The following NARS2 variants were observed in gnomAD, a reference collection of about 807,000 sequenced individuals.
NARS2 encodes the protein asparaginyl-tRNA synthetase.
Under a neutral mutation model 62.9 loss-of-function variants are expected in NARS2, and 60 were observed. The observed-to-expected ratio is 0.95, with a 90% CI of 0.77 to 1.18. The LOEUF (loss-of-function observed/expected upper bound fraction) is 1.18, where lower values mean the gene tolerates loss of function less well. Ranked by LOEUF, NARS2 falls within the 50% of genes most tolerant of loss-of-function variation. NARS2 has a pLI of 0.00. For missense variants in NARS2, 619 were observed against 576.4 expected (o/e 1.07, Z -0.76); for synonymous variants, 196 against 200.0 (o/e 0.98, Z 0.17).
intron 5 of NARS2, among the ~76,000 whole-genome samples, chr11:78,538,990 G>A (rs1328899547): frequency 7.3e-5 from 4 of 55,052 alleles, no homozygotes; most frequent in African/African-American, 9.5e-5. Flanking sequence ...GCGAGAATCC[G>A]TCTCAAAAAA....
At chr11:78,481,698 T>A (rs544325485) in intron 7 of NARS2, among the ~76,000 whole-genome samples, 3 of 152,338 alleles carry the variant, frequency 2.0e-5, no homozygotes, top group South Asian at 4.1e-4. Flanking sequence ...TTAGTTGTAC[T>A]ATAACAGCAA....
chr11:78,538,875 G>C (rs1354348080), intron 5 of NARS2, among the ~76,000 whole-genome samples: 1 of 150,468 alleles, frequency 6.6e-6, no homozygotes, highest in Non-Finnish European at 1.5e-5. Context: ...GGCGCCTGTA[G>C]TCCCAGCTAC....
chr11:78,573,507 G>A (rs1170358370), intron 1 of NARS2: 1 of 152,270 alleles, frequency 6.6e-6, no homozygotes, highest in Non-Finnish European at 1.5e-5. Flanking sequence ...CTGCGCTCCA[G>A]TCTGGGTGAC....
intron 5 of NARS2, among the ~76,000 whole-genome samples, chr11:78,531,888 G>A (rs543428723): frequency 3.9e-5 from 6 of 152,278 alleles, no homozygotes; most frequent in Middle Eastern, 3.4e-3. Flanking sequence ...AAAATGGGAT[G>A]TAACTACTAA....
At chr11:78,488,327 CA>C (rs1266053827) in intron 7 of NARS2, among the ~76,000 whole-genome samples, 1 of 151,490 alleles carries the variant, frequency 6.6e-6, no homozygotes, top group Non-Finnish European at 1.5e-5. Flanking sequence ...AATGTAATCA[CA>C]AGGATCCTTT....
intron 3 of NARS2, among the ~76,000 whole-genome samples, chr11:78,567,717 CTTTT>C (rs1220691184): frequency 6.6e-6 from 1 of 152,146 alleles, no homozygotes; most frequent in Admixed American, 6.5e-5. Context: ...GCATTTTCTT[CTTTT>C]ATTTCCTTAC....
At chr11:78,498,058 G>T (rs1228004716) in intron 6 of NARS2, among the ~76,000 whole-genome samples, 1 of 152,100 alleles carries the variant, frequency 6.6e-6, no homozygotes, top group Non-Finnish European at 1.5e-5. Flanking sequence ...ACCATCTGAG[G>T]AGATGACATG....
intron 1 of NARS2, among the ~76,000 whole-genome samples, chr11:78,574,054 T>C (rs551180858): frequency 6.6e-6 from 1 of 152,294 alleles, no homozygotes; most frequent in South Asian, 2.1e-4. Flanking sequence ...ATATTCATTA[T>C]AAGGGATAAA....
At chr11:78,521,789 CAA>C (rs58282524) in intron 6 of NARS2, among the ~76,000 whole-genome samples, 1 of 96,394 alleles carries the variant, frequency 1.0e-5, no homozygotes. Context: ...GACTCCGTCT[CAA>C]AAAAAAAAAA....
At chr11:78,439,773 AAGG>A (rs1279473546) in intron 13 of NARS2, among the ~76,000 whole-genome samples, 6 of 152,196 alleles carry the variant, frequency 3.9e-5, no homozygotes, top group Non-Finnish European at 7.3e-5. Flanking sequence ...AGCACAGCAC[AAGG>A]ATTAATAATA....
intron 6 of NARS2, among the ~76,000 whole-genome samples, chr11:78,493,873 C>T (rs567587616): frequency 1.3e-5 from 2 of 152,036 alleles, no homozygotes; most frequent in South Asian, 2.1e-4. Flanking sequence ...AAAAAAACAC[C>T]GCAGCCCAAG....
intron 6 of NARS2, among the ~76,000 whole-genome samples, chr11:78,526,737 A>C (rs1255739330): frequency 6.6e-6 from 1 of 152,112 alleles, no homozygotes; most frequent in Non-Finnish European, 1.5e-5. Context: ...TTAATACACT[A>C]GTGGTATTAT....
intron 4 of NARS2, among the ~76,000 whole-genome samples, chr11:78,563,847 A>ATATATAT (rs1390082108): frequency 1.5e-5 from 1 of 66,024 alleles, no homozygotes; most frequent in African/African-American, 6.0e-5. Context: ...AAAAAAAAAA[A>ATATATAT]AAAAATATAT....
At chr11:78,479,104 A>C (rs946000643) in intron 7 of NARS2, among the ~76,000 whole-genome samples, 5 of 152,332 alleles carry the variant, frequency 3.3e-5, no homozygotes, top group African/African-American at 1.2e-4. Context: ...ACACACAACA[A>C]ACATCAGTTG....
At chr11:78,476,439 G>A (rs971832831) in intron 9 of NARS2, among the ~76,000 whole-genome samples, 1 of 152,158 alleles carries the variant, frequency 6.6e-6, no homozygotes, top group African/African-American at 2.4e-5. Context: ...TTCTGTGTGT[G>A]GTATTGTGCC....
chr11:78,462,080 GA>G (rs891715338), intron 11 of NARS2, among the ~76,000 whole-genome samples: 1 of 152,192 alleles, frequency 6.6e-6, no homozygotes, highest in African/African-American at 2.4e-5. Flanking sequence ...GGGTAACCCA[GA>G]AAAATCTTTA....
At chr11:78,572,775 A>G (rs2135550539) in intron 1 of NARS2, among the ~76,000 whole-genome samples, 1 of 152,306 alleles carries the variant, frequency 6.6e-6, no homozygotes, top group East Asian at 1.9e-4. Flanking sequence ...AATAGATGAA[A>G]TATTTCACTT....
intron 11 of NARS2, among the ~76,000 whole-genome samples, chr11:78,465,104 G>C (rs183818293): frequency 6.6e-6 from 1 of 152,206 alleles, no homozygotes; most frequent in African/African-American, 2.4e-5. Context: ...TGCAGGTCCC[G>C]AGCCCTGCCC....
intron 6 of NARS2, among the ~76,000 whole-genome samples, chr11:78,498,787 G>A (rs893994457): frequency 2.7e-5 from 4 of 149,570 alleles, no homozygotes; most frequent in African/African-American, 7.4e-5. Context: ...ATCAATCGAT[G>A]TGATTATTTA....
Sources: gnomAD v4.1 joint callset for allele counts (sites outside exome capture counted in the v4.1 genomes callset) on GRCh38, gnomAD v4.1.1 for gene constraint, MANE v1.5 for transcripts, NCBI Gene and HGNC (gene_info 2026-07-23, HGNC 2026-07-21) for gene names.